The following TPTE2 variants were observed in gnomAD, a reference collection of about 807,000 sequenced individuals.
TPTE2 encodes transmembrane phosphoinositide 3-phosphatase and tensin homolog 2, also known as phosphatidylinositol 3,4,5-trisphosphate 3-phosphatase TPTE2.
TPTE2 carries 53 observed loss-of-function variants against 78.6 expected under a neutral mutation model. The observed-to-expected ratio is 0.67, with a 90% CI of 0.54 to 0.85. The LOEUF is 0.85. Ranked by LOEUF, TPTE2 falls within the 40% of genes least tolerant of loss-of-function variation. The pLI is 0.00. For synonymous variants in TPTE2, 175 were observed against 206.2 expected (o/e 0.85, Z 1.30); for missense variants, 461 against 623.0 (o/e 0.74, Z 2.77).
chr13:19,560,803 C>G, the TPTE2 span: 2 of 1,491,500 alleles, frequency 1.3e-6, no homozygotes, highest in Non-Finnish European at 1.8e-6. Context: ...CGCTTGTACT[C>G]CCGCCCACCC....
Position 19,493,489 on chromosome 13 carries a change from G to A in TPTE2, c.24C>T (p.Asn8=), listed in dbSNP as rs570069580. 1.3e-4 allele frequency: 205 copies of A among 1,613,456 alleles called. No individual in the cohort carries two copies. The South Asian group carries it at 1.8e-3, about 14-fold the overall frequency. ...CCTCCTCGGTTGTTCCTTTAAATTC[G>A]TTTGTCTGTGGACTAGCGGATGATA... The change falls in exon 2 of 20, where the codon AAC becomes AAT. Residue 8 remains asparagine (N), a synonymous_variant. Transcript: ENST00000400230.
At position 19,523,870 on chromosome 13, in the gene TPTE2, C is replaced by T. The variant is rs577285948; in HGVS notation, c.-44+12726G>A. Reference sequence around the variant, plus strand: ...CACAATCTAGAGGTGAAACTAAAGTCATCAGTCAACATAGAAGCCAGAGAT... The same window carrying T: ...CACAATCTAGAGGTGAAACTAAAGTTATCAGTCAACATAGAAGCCAGAGAT... On this transcript the variant is annotated intron_variant, in intron 1 of 17. Transcript: ENST00000390680. Among the ~76,000 whole-genome samples, 4 of 152,304 alleles carry T rather than the reference C, an allele frequency of 2.6e-5. No individual in the cohort carries two copies. In the East Asian group the frequency reaches 7.7e-4, roughly 29 times the overall value.
chr13:19,462,931 C>T (rs530295805), intron 10 of TPTE2, among the ~76,000 whole-genome samples: 13 of 151,772 alleles, frequency 8.6e-5, no homozygotes, highest in African/African-American at 2.7e-4. Context: ...TGAGAACCTT[C>T]GAGCTTCCTA....
At chr13:19,427,673 C>A (rs1876240695) in intron 17 of TPTE2, among the ~76,000 whole-genome samples, 1 of 152,028 alleles carries the variant, frequency 6.6e-6, no homozygotes, top group African/African-American at 2.4e-5. Context: ...GAGTGGGGTC[C>A]CCCTGCTCAT....
At chr13:19,522,625 T>C (rs1162836909) in intron 1 of TPTE2, among the ~76,000 whole-genome samples, 9 of 148,150 alleles carry the variant, frequency 6.1e-5, no homozygotes, top group African/African-American at 2.0e-4. Flanking sequence ...TTTTCTTTTT[T>C]TTTTTTTTTT....
chr13:19,458,415 CT>C, intron 10 of TPTE2: 6 of 396,518 alleles, frequency 1.5e-5, no homozygotes, highest in South Asian at 6.1e-5. Context: ...TCACTAGTAG[CT>C]TTTTTGAGAT....
intron 17 of TPTE2, 128 bp from the exon 21 acceptor site, chr13:19,426,645 T>C: frequency 1.8e-6 from 1 of 553,628 alleles, no homozygotes. Flanking sequence ...ACTACATGCA[T>C]AAATAATTAT....
upstream of TPTE2, among the ~76,000 whole-genome samples, chr13:19,539,694 T>C (rs1467855239): frequency 2.0e-5 from 3 of 152,198 alleles, no homozygotes; most frequent in African/African-American, 7.2e-5. Context: ...TCTGTGTGTA[T>C]CATGTCTAAT....
At chr13:19,500,327 G>A (rs1191593909) in intron 1 of TPTE2, among the ~76,000 whole-genome samples, 2 of 151,086 alleles carry the variant, frequency 1.3e-5, no homozygotes, top group Non-Finnish European at 3.0e-5. Context: ...TGATACCAAA[G>A]CCAGGCAGAG....
At chr13:19,530,906 G>A in intron 1 of TPTE2, among the ~76,000 whole-genome samples, 1 of 152,132 alleles carries the variant, frequency 6.6e-6, no homozygotes, top group East Asian at 1.9e-4. Flanking sequence ...GTGGTGTGAA[G>A]TACATTCGCA....
At chr13:19,526,635 GA>G (rs1461470775) in intron 1 of TPTE2, among the ~76,000 whole-genome samples, 5 of 152,096 alleles carry the variant, frequency 3.3e-5, no homozygotes, top group Non-Finnish European at 5.9e-5. Context: ...TCACCTGAGT[GA>G]CAAAACAATC....
intron 1 of TPTE2, among the ~76,000 whole-genome samples, chr13:19,516,777 G>C (rs1443326469): frequency 6.6e-6 from 1 of 152,140 alleles, no homozygotes; most frequent in African/African-American, 2.4e-5. Flanking sequence ...AAAGTGACCA[G>C]TATATGCATA....
intron 6 of TPTE2, among the ~76,000 whole-genome samples, chr13:19,472,514 A>C (rs1162009991): frequency 6.6e-6 from 1 of 152,170 alleles, no homozygotes; most frequent in Non-Finnish European, 1.5e-5. Flanking sequence ...ATTCTTTTAA[A>C]TTATTTAATT....
chr13:19,497,595 T>G (rs1419705770), intron 1 of TPTE2, among the ~76,000 whole-genome samples: 3 of 82,898 alleles, frequency 3.6e-5, no homozygotes, highest in African/African-American at 8.6e-5. Flanking sequence ...GGGTCCTGTC[T>G]GTTAGAAAGA....
chr13:19,561,009 C>T, the TPTE2 span: 1 of 1,577,944 alleles, frequency 6.3e-7, no homozygotes, highest in Non-Finnish European at 8.6e-7. Flanking sequence ...GAGGCCACGT[C>T]CCCACAGACC....
intron 4 of TPTE2, 71 bp from the exon 8 acceptor site, chr13:19,475,694 G>C (rs1347498487): frequency 3.4e-6 from 5 of 1,460,956 alleles, no homozygotes; most frequent in Non-Finnish European, 4.6e-6. Context: ...AAAAACAAAG[G>C]CCTTTATAAA....
the TPTE2 span, among the ~76,000 whole-genome samples, chr13:19,547,780 C>G: frequency 7.1e-6 from 1 of 140,598 alleles, no homozygotes; most frequent in Non-Finnish European, 1.5e-5. Context: ...TGGTCCCATA[C>G]AAGTCAAATA....
At chr13:19,561,374 G>T in the TPTE2 span, 3 of 475,760 alleles carry the variant, frequency 6.3e-6, no homozygotes, top group Non-Finnish European at 1.1e-5. Flanking sequence ...TAATATTCCC[G>T]CTGTCGCAGA....
At chr13:19,477,296 TA>T (rs879889075) in intron 4 of TPTE2, among the ~76,000 whole-genome samples, 134 of 141,388 alleles carry the variant, frequency 9.5e-4, no homozygotes, top group East Asian at 2.3e-3. Flanking sequence ...AATAATATGT[TA>T]AAAAAAAAAA....
Sources: gnomAD v4.1 joint callset for allele counts (sites outside exome capture counted in the v4.1 genomes callset) on GRCh38, gnomAD v4.1.1 for gene constraint, MANE v1.5 for transcripts, NCBI Gene and HGNC (gene_info 2026-07-23, HGNC 2026-07-21) for gene names.